AK5: variants seen among roughly 807,000 people sequenced by gnomAD.
AK5 encodes adenylate kinase isoenzyme 5.
AK5 carries 27 observed loss-of-function variants against 69.5 expected under a neutral mutation model. That is an observed-to-expected ratio of 0.39 (90% confidence interval 0.29 to 0.54). The LOEUF (loss-of-function observed/expected upper bound fraction) is 0.54. AK5 is among the 20% of genes least tolerant of loss of function. The probability of loss-of-function intolerance (pLI) is 0.71; values close to 1 mark genes in which losing one functional copy is unlikely to be tolerated. For missense variants in AK5, 531 were observed against 700.4 expected (o/e 0.76, Z 2.73); for synonymous variants, 260 against 244.4 (o/e 1.06, Z -0.60).
At chr1:77,366,526 A>T (rs1646952624) in intron 6 of AK5, among the ~76,000 whole-genome samples, 1 of 152,212 alleles carries the variant, frequency 6.6e-6, no homozygotes, top group Non-Finnish European at 1.5e-5. Context: ...CCCTGCCAAG[A>T]TGCAAAGCCC....
intron 8 of AK5, among the ~76,000 whole-genome samples, chr1:77,456,569 G>A (rs937650507): frequency 6.6e-6 from 1 of 152,184 alleles, no homozygotes; most frequent in African/African-American, 2.4e-5. Flanking sequence ...CAGCACCTTC[G>A]AAGGCACAGA....
At chr1:77,396,992 C>T (rs947608709) in intron 6 of AK5, among the ~76,000 whole-genome samples, 1 of 152,202 alleles carries the variant, frequency 6.6e-6, no homozygotes, top group Admixed American at 6.5e-5. Flanking sequence ...TCACAGCACC[C>T]ACTCACTACA....
intron 8 of AK5, among the ~76,000 whole-genome samples, chr1:77,430,686 C>T (rs773151189): frequency 1.3e-5 from 2 of 151,986 alleles, no homozygotes; most frequent in East Asian, 1.9e-4. Context: ...AGCAGAAAGA[C>T]GTAGAAGAAG....
At chr1:77,439,539 C>T (rs922964173) in intron 8 of AK5, among the ~76,000 whole-genome samples, 2 of 152,020 alleles carry the variant, frequency 1.3e-5, no homozygotes, top group Non-Finnish European at 2.9e-5. Context: ...ACCAACCTCT[C>T]TTCACCTCCT....
At chr1:77,290,239 C>G (rs928907231) in intron 2 of AK5, among the ~76,000 whole-genome samples, 12 of 152,124 alleles carry the variant, frequency 7.9e-5, no homozygotes, top group Non-Finnish European at 4.4e-5. Flanking sequence ...TGTAATAATA[C>G]AATTCTGTTT....
intron 6 of AK5, among the ~76,000 whole-genome samples, chr1:77,342,762 A>G (rs957312237): frequency 1.3e-5 from 2 of 152,170 alleles, no homozygotes; most frequent in Admixed American, 6.5e-5. Flanking sequence ...ATTAATAATA[A>G]GCATGTTAAG....
Position 77,391,453 on chromosome 1 carries a change from GTA to G in AK5, c.892-19517_892-19516del, listed in dbSNP as rs559412062. On this transcript the variant is annotated intron_variant, in intron 6 of 13. Transcript: ENST00000354567. Reference sequence around the variant, plus strand: ...TATACATATATACATATATGTGTGTGTATATATATATACACATATGTGTGTGT... The same window carrying G: ...TATACATATATACATATATGTGTGTGTATATATATACACATATGTGTGTGT... 5.5e-3 allele frequency among the ~76,000 whole-genome samples: 676 copies of G among 122,746 alleles called. 23 individuals carry two copies. The highest frequency in any genetic ancestry group is 0.039 in the Admixed American group (458 of 11,770). 80.5% of individuals were successfully genotyped at this position (122,746 alleles called of 152,430 possible).
At chr1:77,282,745 G>A in intron 1 of AK5, 1 of 1,027,558 alleles carries the variant, frequency 9.7e-7, no homozygotes, top group Non-Finnish European at 1.2e-6. Flanking sequence ...GCCCAGCAGC[G>A]AGTAAAGACT....
At chr1:77,347,739 G>A (rs1661986497) in intron 6 of AK5, among the ~76,000 whole-genome samples, 1 of 152,160 alleles carries the variant, frequency 6.6e-6, no homozygotes, top group Non-Finnish European at 1.5e-5. Flanking sequence ...GTCCTGGGCA[G>A]CAAATTCTGC....
At chr1:77,544,506 T>G (rs1386442301) in intron 13 of AK5, among the ~76,000 whole-genome samples, 1 of 152,164 alleles carries the variant, frequency 6.6e-6, no homozygotes, top group African/African-American at 2.4e-5. Flanking sequence ...TATATCCTTA[T>G]TCTATGTTTT....
intron 13 of AK5, among the ~76,000 whole-genome samples, chr1:77,551,248 CCTT>C (rs1275597906): frequency 1.4e-3 from 201 of 146,898 alleles, no homozygotes; most frequent in African/African-American, 4.9e-3. Flanking sequence ...CACACACACA[CCTT>C]CTATAAGACA....
At chr1:77,499,486 C>G (rs978103164) in intron 10 of AK5, among the ~76,000 whole-genome samples, 2 of 152,198 alleles carry the variant, frequency 1.3e-5, no homozygotes, top group African/African-American at 4.8e-5. Flanking sequence ...CACCACCGGC[C>G]CAGCGACCTT....
At chr1:77,367,551 T>TTTTATATATATATATATATATA (rs1553139653) in intron 6 of AK5, among the ~76,000 whole-genome samples, 1 of 19,718 alleles carries the variant, frequency 5.1e-5, no homozygotes, top group Non-Finnish European at 9.7e-5. Context: ...CTCATTTATG[T>TTTTATATATATATATATATATA]TATTTTTATA....
At chr1:77,471,174 G>A (rs972884870) in intron 8 of AK5, among the ~76,000 whole-genome samples, 1 of 151,870 alleles carries the variant, frequency 6.6e-6, no homozygotes, top group East Asian at 1.9e-4. Context: ...GAGCCACAGC[G>A]TTTGGCCTAG....
At chr1:77,412,366 T>C (rs1418710574) in intron 7 of AK5, among the ~76,000 whole-genome samples, 2 of 152,144 alleles carry the variant, frequency 1.3e-5, no homozygotes, top group East Asian at 3.9e-4. Flanking sequence ...TTTCCAGGTG[T>C]CTACTTTCTC....
chr1:77,412,803 A>C (rs774011983), intron 7 of AK5, among the ~76,000 whole-genome samples: 1 of 151,882 alleles, frequency 6.6e-6, no homozygotes, highest in East Asian at 1.9e-4. Flanking sequence ...ATGGCATCCA[A>C]TTCTCTTTCT....
At chr1:77,487,584 G>C (rs1655682867) in intron 10 of AK5, among the ~76,000 whole-genome samples, 1 of 152,178 alleles carries the variant, frequency 6.6e-6, no homozygotes, top group Admixed American at 6.5e-5. Flanking sequence ...ATAAACTTAA[G>C]ACTCTTGCAA....
chr1:77,540,086 C>A (rs1178090279), intron 13 of AK5, among the ~76,000 whole-genome samples: 6 of 152,354 alleles, frequency 3.9e-5, no homozygotes, highest in East Asian at 1.9e-4. Context: ...CTCCATCCCC[C>A]ACTCCATGAC....
At chr1:77,553,944 C>T (rs1027662037) in intron 13 of AK5, among the ~76,000 whole-genome samples, 2 of 152,044 alleles carry the variant, frequency 1.3e-5, no homozygotes, top group Non-Finnish European at 1.5e-5. Flanking sequence ...TTGGAACATT[C>T]GGGTTAAATG....
Sources: gnomAD v4.1 joint callset for allele counts (sites outside exome capture counted in the v4.1 genomes callset) on GRCh38, gnomAD v4.1.1 for gene constraint, MANE v1.5 for transcripts, NCBI Gene and HGNC (gene_info 2026-07-23, HGNC 2026-07-21) for gene names.